The following BCCIP variants were observed in gnomAD, a reference collection of about 807,000 sequenced individuals.
BCCIP encodes BRCA2 and CDKN1A-interacting protein.
A neutral mutation model predicts 32.8 loss-of-function variants in BCCIP; 23 were observed. The ratio of observed to expected loss-of-function variants is 0.70; its 90% CI spans 0.51 to 0.99. The LOEUF (loss-of-function observed/expected upper bound fraction) is 0.99, where lower values mean the gene tolerates loss of function less well. Among genes scored for constraint, BCCIP ranks in the 50% least tolerant of loss-of-function variants. The pLI, the probability that BCCIP is intolerant of heterozygous loss-of-function variation, is 0.00. For missense variants in BCCIP, 378 were observed against 379.8 expected (o/e 1.00, Z 0.04); for synonymous variants, 144 against 137.6 (o/e 1.05, Z -0.33).
downstream of BCCIP, among the ~76,000 whole-genome samples, chr10:125,846,084 G>A (rs1374990632): frequency 6.6e-6 from 1 of 152,158 alleles, no homozygotes; most frequent in Non-Finnish European, 1.5e-5. Flanking sequence ...GAAGACTATC[G>A]GCCTTCTAGA....
intron 1 of BCCIP, among the ~76,000 whole-genome samples, chr10:125,824,059 C>T (rs916335493): frequency 1.3e-5 from 2 of 152,230 alleles, no homozygotes; most frequent in Non-Finnish European, 2.9e-5. Context: ...GGGGCCCTCT[C>T]CCCTCGGGGC....
downstream of BCCIP, chr10:125,839,230 C>A: frequency 6.3e-7 from 1 of 1,597,026 alleles, no homozygotes; most frequent in South Asian, 1.1e-5. Flanking sequence ...AATGATTTGT[C>A]AGAAGCTCTG....
chr10:125,826,792 G>A, intron 2 of BCCIP, 127 bp downstream of exon 2: 2 of 1,440,530 alleles, frequency 1.4e-6, no homozygotes, highest in African/African-American at 2.9e-5. Flanking sequence ...TTGAGCCCAG[G>A]AGTTTGAGAC....
downstream of BCCIP, chr10:125,841,116 A>G: frequency 1.5e-6 from 2 of 1,371,208 alleles, no homozygotes; most frequent in Non-Finnish European, 2.0e-6. Flanking sequence ...TACTCTGAAT[A>G]AATATGTTAT....
At chr10:125,849,471 CTT>C (rs974572966) in intron 7 of BCCIP, among the ~76,000 whole-genome samples, 15 of 152,204 alleles carry the variant, frequency 9.9e-5, no homozygotes, top group African/African-American at 3.6e-4. Context: ...GTTTGCGTCT[CTT>C]TTTCACACCC....
At chr10:125,823,886 G>A (rs1014025284) in intron 1 of BCCIP, among the ~76,000 whole-genome samples, 164 bp downstream of exon 1, 2 of 152,146 alleles carry the variant, frequency 1.3e-5, no homozygotes, top group Non-Finnish European at 2.9e-5. Flanking sequence ...TTAACACACT[G>A]CAGCCATAGT....
At chr10:125,839,865 T>C (rs962341109), downstream of BCCIP, among the ~76,000 whole-genome samples, 5 of 152,172 alleles carry the variant, frequency 3.3e-5, no homozygotes, top group South Asian at 1.0e-3. Flanking sequence ...CCCTGTCCTG[T>C]CCACTCATGC....
intron 5 of BCCIP, among the ~76,000 whole-genome samples, chr10:125,832,725 TC>T (rs1042922458): frequency 2.0e-5 from 3 of 151,702 alleles, no homozygotes; most frequent in Non-Finnish European, 4.4e-5. Context: ...GGCCAGGAGT[TC>T]CAGGCTGCAA....
intron 5 of BCCIP, 36 bp from the exon 6 acceptor site, chr10:125,833,736 C>T: frequency 1.2e-6 from 2 of 1,608,782 alleles, no homozygotes; most frequent in Non-Finnish European, 1.7e-6. Context: ...TCACTTGACC[C>T]AGCAGGTAAA....
chr10:125,835,462 C>T (rs939346378), intron 6 of BCCIP, among the ~76,000 whole-genome samples: 3 of 151,692 alleles, frequency 2.0e-5, no homozygotes, highest in African/African-American at 7.3e-5. Context: ...ACCGGTAGTC[C>T]CAGCTACTTG....
At position 125,825,155 on chromosome 10, in the gene BCCIP, C is replaced by T. The variant is rs3814623; in HGVS notation, c.165+1433C>T. On this transcript the variant is annotated intron_variant, in intron 1 of 6. Coordinates refer to ENST00000278100, the MANE Select transcript of BCCIP (RefSeq NM_078468.3). ...GGGAAATCTATCACACCACCACAGT[C>T]TTAATTCTAAATCACCTGGGAATGA... Among the ~76,000 whole-genome samples the T allele has an allele frequency of 3.7e-4, 56 of 152,356 alleles. No homozygotes were observed. In the East Asian group the frequency reaches 7.1e-3, roughly 19 times the overall value.
chr10:125,845,746 C>T (rs1944008757), downstream of BCCIP, among the ~76,000 whole-genome samples: 1 of 152,254 alleles, frequency 6.6e-6, no homozygotes, highest in African/African-American at 2.4e-5. Flanking sequence ...GAGCCAAGAT[C>T]CTTCTGTCCA....
chr10:125,839,072 C>T, downstream of BCCIP: 1 of 1,614,200 alleles, frequency 6.2e-7, no homozygotes, highest in African/African-American at 1.3e-5. Context: ...AAAGCAGGTT[C>T]TGCATAGGGA....
rs1258559557 is a variant in BCCIP at position 125,823,619 on chromosome 10, C to A, written c.62C>A (p.Pro21Gln). ...ESGVPQPPDP[P>Q]VQRDEEEEKE... ...GGGGTTCCGCAGCCGCCGGATCCCC[C>A]AGTCCAGCGCGACGAGGAAGAGGAA... is the stretch of plus-strand genomic sequence containing the variant. Residue 21 changes from proline to glutamine, a missense_variant, in exon 1 of 7, where the codon CCA becomes CAA. By Grantham distance (76) the Pro-to-Gln change is moderately conservative. Transcript: ENST00000278100. 5 of 1,614,130 alleles carry A rather than the reference C, an allele frequency of 3.1e-6. No individual in the cohort carries two copies. The highest frequency in any genetic ancestry group is 4.2e-6 in the Non-Finnish European group (5 of 1,180,016).
At chr10:125,853,476 G>C (rs1031672221) in exon 8 of BCCIP, 1 of 253,788 alleles carries the variant, frequency 3.9e-6, no homozygotes, top group Non-Finnish European at 7.3e-6. Flanking sequence ...AAATTTTATC[G>C]TCAATTATAA....
At chr10:125,846,056 C>T (rs919640213), downstream of BCCIP, among the ~76,000 whole-genome samples, 1 of 152,228 alleles carries the variant, frequency 6.6e-6, no homozygotes, top group African/African-American at 2.4e-5. Context: ...ACGTGACTGC[C>T]TTTGCTCATG....
downstream of BCCIP, chr10:125,838,086 G>T (rs562175875): frequency 4.4e-5 from 41 of 942,378 alleles, no homozygotes; most frequent in East Asian, 1.1e-3. Context: ...TACTGTCAAC[G>T]TAAATTAAGA....
chr10:125,839,015 C>T (rs1189315557), downstream of BCCIP: 16 of 1,613,746 alleles, frequency 9.9e-6, no homozygotes, highest in South Asian at 3.3e-5. Flanking sequence ...ATAAAGTAAC[C>T]GGACAGAAGA....
chr10:125,823,920 C>T (rs1292807021), intron 1 of BCCIP, among the ~76,000 whole-genome samples, 198 bp downstream of exon 1: 1 of 152,116 alleles, frequency 6.6e-6, no homozygotes, highest in East Asian at 1.9e-4. Context: ...AGGTCTAGTC[C>T]GGTCCAGTTA....
Sources: gnomAD v4.1 joint callset for allele counts (sites outside exome capture counted in the v4.1 genomes callset) on GRCh38, gnomAD v4.1.1 for gene constraint, MANE v1.5 for transcripts, NCBI Gene and HGNC (gene_info 2026-07-23, HGNC 2026-07-21) for gene names.